The following UBE2M variants were observed in gnomAD, a reference collection of about 807,000 sequenced individuals.
UBE2M encodes the protein NEDD8-conjugating enzyme Ubc12.
Under a neutral mutation model 23.5 loss-of-function variants are expected in UBE2M, and 2 were observed. The ratio of observed to expected loss-of-function variants is 0.09; its 90% CI spans 0.03 to 0.27. The LOEUF (loss-of-function observed/expected upper bound fraction) is 0.27. UBE2M is among the 10% of genes least tolerant of loss of function. The pLI is 1.00. For missense variants in UBE2M, 103 were observed against 232.9 expected (o/e 0.44, Z 3.63); for synonymous variants, 97 against 95.2 (o/e 1.02, Z -0.11).
chr19:58,557,204 G>C, intron 1 of UBE2M, 47 bp from the exon 2 acceptor site: 10 of 924,044 alleles, frequency 1.1e-5, no homozygotes, highest in African/African-American at 1.7e-5. Context: ...GGGAGGGGAA[G>C]AGAGAGAGAG....
rs536812563 is a variant in UBE2M at position 58,555,907 on chromosome 19, C to A, written c.*182G>T. Reference sequence around the variant, plus strand: ...GTGGGTCGGGGGAGGCAGCGCCGACCTTAATCACATGGTGTTAAAAAAAAA... The same window carrying A: ...GTGGGTCGGGGGAGGCAGCGCCGACATTAATCACATGGTGTTAAAAAAAAA... On this transcript the variant is annotated 3_prime_UTR_variant, in exon 6 of 6. Coordinates refer to ENST00000253023, the MANE Select transcript of UBE2M (RefSeq NM_003969.4). The A allele has an allele frequency of 4.6e-5, 37 of 807,750 alleles. No homozygotes were observed. Among genetic ancestry groups the A allele is most frequent in the Admixed American group, 1.7e-4 (6 of 34,336 alleles). The allele number at this position is 807,750 out of a possible 1,614,324, so 50.0% of individuals were successfully genotyped here.
intron 1 of UBE2M, among the ~76,000 whole-genome samples, chr19:58,557,979 C>T (rs1221790401): frequency 6.6e-6 from 1 of 152,042 alleles, no homozygotes; most frequent in Non-Finnish European, 1.5e-5. Context: ...CCCAGACTCT[C>T]GAGTCGTCAG....
In UBE2M at chr19:58,555,952, G is replaced by A. The variant is rs2053887081; in HGVS notation, c.*137C>T. 1.6e-6 allele frequency: 2 copies of A among 1,234,548 alleles called. No individual in the cohort carries two copies. Among genetic ancestry groups the A allele is most frequent in the African/African-American group, 1.5e-5 (1 of 65,466 alleles). The allele number at this position is 1,234,548 out of a possible 1,614,324, so 76.5% of individuals were successfully genotyped here. A position where few individuals can be genotyped will look rare whatever the true frequency, so the allele number is the denominator to read the frequency against. On this transcript the variant is annotated 3_prime_UTR_variant, in exon 6 of 6. Coordinates refer to ENST00000253023, the MANE Select transcript of UBE2M (RefSeq NM_003969.4). The stretch of plus-strand genomic sequence containing the variant: ...AAAAAAAAAATAACTAGGGGCACGT[G>A]GCAGGAAGGGGAGGCAAGGCCAAGG...
Position 58,556,638 on chromosome 19 carries a change from G to T in UBE2M, c.347+49C>A. The T allele has an allele frequency of 6.8e-7, 1 of 1,461,408 alleles. No homozygotes were observed. The highest frequency in any genetic ancestry group is 9.2e-7 in the Non-Finnish European group (1 of 1,085,554). 90.5% of individuals were successfully genotyped at this position (1,461,408 alleles called of 1,614,324 possible). A position where few individuals can be genotyped will look rare whatever the true frequency, so the allele number is the denominator to read the frequency against. ...GTAGTGCCCACAAGACCATGAGGGA[G>T]GCCTGGCAGGCAGCGCTGAGGAGGG... On this transcript the variant is annotated intron_variant, in intron 4 of 5. Coordinates refer to ENST00000253023, the MANE Select transcript of UBE2M (RefSeq NM_003969.4). The surrounding 1 kb of genome is among the most constrained non-coding windows in gnomAD (Gnocchi z 4.9).
chr19:58,558,303 CCTT>C lies in UBE2M; in HGVS notation c.76_78del (p.Lys26del). The C allele has an allele frequency of 6.2e-7, 1 of 1,603,848 alleles. No individual in the cohort carries two copies. Among genetic ancestry groups the C allele is most frequent in the Non-Finnish European group, 8.5e-7 (1 of 1,175,882 alleles). On this transcript the variant is annotated inframe_deletion, in exon 1 of 6. Transcript: ENST00000253023. The surrounding 1 kb of genome is among the most constrained non-coding windows in gnomAD (Gnocchi z 4.7). The stretch of plus-strand genomic sequence containing the variant: ...TGGATCCGCAGCTGCGCCGCCGACG[CCTT>C]CTTGCTGCTGCCCTTGGTGCCGCCC...
Position 58,558,147 on chromosome 19 carries a change from C to G in UBE2M, c.109+126G>C, listed in dbSNP as rs1306380306. 7 of 763,790 alleles carry G rather than the reference C, an allele frequency of 9.2e-6. No individual in the cohort carries two copies. Among genetic ancestry groups the G allele is most frequent in the Admixed American group, 6.1e-5 (2 of 32,548 alleles). 47.3% of individuals were successfully genotyped at this position (763,790 alleles called of 1,614,324 possible). A position where few individuals can be genotyped will look rare whatever the true frequency, so the allele number is the denominator to read the frequency against. ...CCTCAAGACTTGACCTCCGACCCCC[C>G]CCACGCTCGGGGCCCTTCACCTCTG... is the stretch of plus-strand genomic sequence containing the variant. On this transcript the variant is annotated intron_variant, in intron 1 of 5. Transcript: ENST00000253023. This position sits in a 1 kb window ranked among gnomAD's most constrained non-coding sequence, Gnocchi z 4.7.
rs1344346865 is a variant in UBE2M, at chr19:58,556,865, A to C, written c.243+27T>G. Reference sequence around the variant, plus strand: ...CAGCTGCTGCCTCCTCTGTCCAGGGAGCCATCCCTGCCCGCCTGGGACTCA... The same window carrying C: ...CAGCTGCTGCCTCCTCTGTCCAGGGCGCCATCCCTGCCCGCCTGGGACTCA... On this transcript the variant is annotated intron_variant, in intron 3 of 5. Transcript: ENST00000253023. This position sits in a 1 kb window ranked among gnomAD's most constrained non-coding sequence, Gnocchi z 4.9. 1 of 1,614,024 alleles carries C rather than the reference A, an allele frequency of 6.2e-7. No individual in the cohort carries two copies. The highest frequency in any genetic ancestry group is 1.1e-5 in the South Asian group (1 of 91,086).
Position 58,556,964 on chromosome 19 carries a change from G to A in UBE2M, c.205-34C>T. On this transcript the variant is annotated intron_variant, in intron 2 of 5. Coordinates refer to ENST00000253023, the MANE Select transcript of UBE2M (RefSeq NM_003969.4). The surrounding 1 kb of genome is among the most constrained non-coding windows in gnomAD (Gnocchi z 4.9). ...AAAAGGGGGAGAAGAAAATTTTAGG[G>A]TTCCATCCTGTGGGGCCCGATGGGC... 1 of 1,614,018 alleles carries A rather than the reference G, an allele frequency of 6.2e-7. No individual in the cohort carries two copies. The highest frequency in any genetic ancestry group is 2.2e-5 in the East Asian group (1 of 44,882).
chr19:58,558,402 T>TGCCGCCGCC lies in UBE2M; in HGVS notation c.-30_-22dup. On this transcript the variant is annotated 5_prime_UTR_variant, in exon 1 of 6. Transcript: ENST00000253023. The surrounding 1 kb of genome is among the most constrained non-coding windows in gnomAD (Gnocchi z 4.7). ...ATCATCCTGCCGCCGCCGCCGCCGC[T>TGCCGCCGCC]GCCGCCGCCGCGGGGCCCGGGACCC... The TGCCGCCGCC allele has an allele frequency of 1.6e-6, 2 of 1,284,578 alleles. No individual in the cohort carries two copies. The highest frequency in any genetic ancestry group is 2.0e-6 in the Non-Finnish European group (2 of 993,956). 79.6% of individuals were successfully genotyped at this position (1,284,578 alleles called of 1,614,324 possible). A position where few individuals can be genotyped will look rare whatever the true frequency, so the allele number is the denominator to read the frequency against.
chr19:58,558,174 C>G lies in UBE2M; in HGVS notation c.109+99G>C. ...CACGCTCGGGGCCCTTCACCTCTGA[C>G]CCTCAGCAACCGCATTACCCCTTCC... On this transcript the variant is annotated intron_variant, in intron 1 of 5. Coordinates refer to ENST00000253023, the MANE Select transcript of UBE2M (RefSeq NM_003969.4). The surrounding 1 kb of genome is among the most constrained non-coding windows in gnomAD (Gnocchi z 4.7). 1 of 1,046,664 alleles carries G rather than the reference C, an allele frequency of 9.6e-7. No individual in the cohort carries two copies. The highest frequency in any genetic ancestry group is 2.5e-5 in the Admixed American group (1 of 39,518). 64.8% of individuals were successfully genotyped at this position (1,046,664 alleles called of 1,614,324 possible). A position where few individuals can be genotyped will look rare whatever the true frequency, so the allele number is the denominator to read the frequency against.
At chr19:58,557,230 C>T in intron 1 of UBE2M, 73 bp from the exon 2 acceptor site, 1 of 1,474,060 alleles carries the variant, frequency 6.8e-7, no homozygotes, top group Non-Finnish European at 9.5e-7. Context: ...GCCAGCAGGA[C>T]ACTTAGGGCG....
chr19:58,555,770 G>A lies in UBE2M; in HGVS notation c.*319C>T. 1 of 368,362 alleles carries A rather than the reference G, an allele frequency of 2.7e-6. No homozygotes were observed. The highest frequency in any genetic ancestry group is 3.5e-5 in the South Asian group (1 of 28,820). The allele number at this position is 368,362 out of a possible 1,614,324, so 22.8% of individuals were successfully genotyped here. On this transcript the variant is annotated 3_prime_UTR_variant, in exon 6 of 6. Transcript: ENST00000253023. ...ACCTCCAGAGGTGGAGGGGTGGGTTGCCTGGGCCCAGCTACCCAGGCCCGT... is the reference window on the plus strand; with the variant it reads ...ACCTCCAGAGGTGGAGGGGTGGGTTACCTGGGCCCAGCTACCCAGGCCCGT...
At position 58,555,888 on chromosome 19, in the gene UBE2M, C is replaced by T. The variant is rs1038288500; in HGVS notation, c.*201G>A. On this transcript the variant is annotated 3_prime_UTR_variant, in exon 6 of 6. Transcript: ENST00000253023. ...ATTCATTTCCCATCGCTGAGTGGGT[C>T]GGGGGAGGCAGCGCCGACCTTAATC... is the stretch of plus-strand genomic sequence containing the variant. 9.1e-6 allele frequency: 6 copies of T among 658,792 alleles called. No homozygotes were observed. Among genetic ancestry groups the T allele is most frequent in the African/African-American group, 3.7e-5 (2 of 54,674 alleles). The allele number at this position is 658,792 out of a possible 1,614,324, so 40.8% of individuals were successfully genotyped here.
At position 58,557,093 on chromosome 19, in the gene UBE2M, G is replaced by T; in HGVS notation, c.174C>A (p.Leu58=). 1 of 1,614,082 alleles carries T rather than the reference G, an allele frequency of 6.2e-7. No homozygotes were observed. Among genetic ancestry groups the T allele is most frequent in the South Asian group, 1.1e-5 (1 of 91,082 alleles). ...DISFSDPDDL[L]NFKLVICPDE... The stretch of plus-strand genomic sequence containing the variant: ...CAGGACAGATGACCAGCTTGAAGTT[G>T]AGGAGGTCGTCTGGATCTGAGAAGC... The change falls in exon 2 of 6, where the codon CTC becomes CTA. Residue 58 remains leucine (L), a synonymous_variant. Coordinates refer to ENST00000253023, the MANE Select transcript of UBE2M (RefSeq NM_003969.4).
Position 58,556,613 on chromosome 19 carries a change from G to A in UBE2M, c.347+74C>T. 7.7e-7 allele frequency: 1 copy of A among 1,306,566 alleles called. No individual in the cohort carries two copies. The highest frequency in any genetic ancestry group is 1.1e-6 in the Non-Finnish European group (1 of 947,130). 80.9% of individuals were successfully genotyped at this position (1,306,566 alleles called of 1,614,324 possible). On this transcript the variant is annotated intron_variant, in intron 4 of 5. Coordinates refer to ENST00000253023, the MANE Select transcript of UBE2M (RefSeq NM_003969.4). This position sits in a 1 kb window ranked among gnomAD's most constrained non-coding sequence, Gnocchi z 4.9. ...GGGGTGGGAAGGGACAGAGTCTGAT[G>A]TAGTGCCCACAAGACCATGAGGGAG...
In UBE2M at chr19:58,556,764, G is replaced by T. The variant is rs1172564354; in HGVS notation, c.270C>A (p.Pro90=). Residue 90 remains proline, a synonymous_variant, in exon 4 of 6, where the codon CCC becomes CCA. Coordinates refer to ENST00000253023, the MANE Select transcript of UBE2M (RefSeq NM_003969.4). This position sits in a 1 kb window ranked among gnomAD's most constrained non-coding sequence, Gnocchi z 4.9. ...CCATTGTCTCACACTTCACCTTGGG[G>T]GGATCATGCGGGTAACCCTGGCCCA... ...FKVGQGYPHD[P]PKVKCETMVY... 5 of 1,577,564 alleles carry T rather than the reference G, an allele frequency of 3.2e-6. No individual in the cohort carries two copies. The South Asian group carries it at 4.7e-5, about 15-fold the overall frequency.
Position 58,556,235 on chromosome 19 carries a change from G to T in UBE2M, c.412-6C>A, listed in dbSNP as rs755257478. 1 of 1,614,090 alleles carries T rather than the reference G, an allele frequency of 6.2e-7. No individual in the cohort carries two copies. Among genetic ancestry groups the T allele is most frequent in the South Asian group, 1.1e-5 (1 of 91,092 alleles). On this transcript the variant is annotated splice_region_variant and splice_polypyrimidine_tract_variant and intron_variant, in intron 5 of 5. Coordinates refer to ENST00000253023, the MANE Select transcript of UBE2M (RefSeq NM_003969.4). The surrounding 1 kb of genome is among the most constrained non-coding windows in gnomAD (Gnocchi z 4.9). ...GGGTCCTCGGGGTTGGGCTCCTGTG[G>T]CCAGTACAGGTAGGGGGGGTCAACA...
Position 58,556,454 on chromosome 19 carries a change from TC to T in UBE2M, c.348-76del. 2 of 1,508,964 alleles carry T rather than the reference TC, an allele frequency of 1.3e-6. No individual in the cohort carries two copies. Among genetic ancestry groups the T allele is most frequent in the Middle Eastern group, 4.5e-4 (2 of 4,404 alleles). 93.5% of individuals were successfully genotyped at this position (1,508,964 alleles called of 1,614,324 possible). On this transcript the variant is annotated intron_variant, in intron 4 of 5. Coordinates refer to ENST00000253023, the MANE Select transcript of UBE2M (RefSeq NM_003969.4). This position sits in a 1 kb window ranked among gnomAD's most constrained non-coding sequence, Gnocchi z 4.9. ...ACAGGCCCCTCTGGTGTTGGGCAGG[TC>T]AGATCCAGGGCATAGGAGAGTGAGC... is the stretch of plus-strand genomic sequence containing the variant.
rs575559333 is a variant in UBE2M, at chr19:58,556,005, C to A, written c.*84G>T. 192 of 1,533,136 alleles carry A rather than the reference C, an allele frequency of 1.3e-4. 1 individual carries two copies. The South Asian group carries it at 2.0e-3, about 16-fold the overall frequency. The allele number at this position is 1,533,136 out of a possible 1,614,324, so 95.0% of individuals were successfully genotyped here. On this transcript the variant is annotated 3_prime_UTR_variant, in exon 6 of 6. Coordinates refer to ENST00000253023, the MANE Select transcript of UBE2M (RefSeq NM_003969.4). This position sits in a 1 kb window ranked among gnomAD's most constrained non-coding sequence, Gnocchi z 4.9. ...GGGGATTCCCCCACCGGCCGCCCCC[C>A]AAACCCCTACCCATGGCCCCCAATA...
Sources: allele counts gnomAD v4.1 joint callset (sites outside exome capture counted in the v4.1 genomes callset), GRCh38; gene constraint gnomAD v4.1.1; non-coding constraint Gnocchi (gnomAD v3.1); transcripts MANE v1.5; gene names NCBI Gene and HGNC (gene_info 2026-07-23, HGNC 2026-07-21).